The following SPEN variants were observed in gnomAD, a reference collection of about 807,000 sequenced individuals.
The protein encoded by SPEN is spen family transcriptional repressor.
SPEN carries 18 observed loss-of-function variants against 269.9 expected under a neutral mutation model. That is an observed-to-expected ratio of 0.07 (90% CI 0.05 to 0.10). SPEN has a LOEUF of 0.10. Ranked by LOEUF, SPEN falls within the 10% of genes least tolerant of loss-of-function variation. SPEN has a pLI of 1.00. For missense variants in SPEN, 3,822 were observed against 4,631.2 expected, an observed-to-expected ratio of 0.83 and a Z score of 5.07; for synonymous variants, 1,726 against 1,765.7, an observed-to-expected ratio of 0.98 and a Z score of 0.56.
intron 3 of SPEN, among the ~76,000 whole-genome samples, chr1:15,905,817 C>A (rs983677102): frequency 4.0e-5 from 6 of 149,776 alleles, no homozygotes; most frequent in Non-Finnish European, 7.4e-5. Context: ...TCGTGATCTG[C>A]CTGCCTCAGC....
intron 1 of SPEN, among the ~76,000 whole-genome samples, chr1:15,849,623 G>A (rs1489328424): frequency 6.6e-6 from 1 of 151,964 alleles, no homozygotes; most frequent in Non-Finnish European, 1.5e-5. Flanking sequence ...GGCGGGGGCG[G>A]GGGGAGGCAG....
chr1:15,931,825 C>A lies in SPEN; in HGVS notation c.5585C>A (p.Ala1862Glu). 6.2e-7 allele frequency: 1 copy of A among 1,614,214 alleles called. No homozygotes were observed. Among genetic ancestry groups the A allele is most frequent in the Non-Finnish European group, 8.5e-7 (1 of 1,180,048 alleles). ...LKRSNSPRGE[A>E]QKLLELKMEA... is the part of the protein sequence containing the mutation. Reference sequence around the variant, plus strand: ...CGGTCCAATTCTCCTCGGGGAGAAGCACAGAAGCTTTTGGAATTGAAGATG... The same window carrying A: ...CGGTCCAATTCTCCTCGGGGAGAAGAACAGAAGCTTTTGGAATTGAAGATG... Residue 1862 changes from alanine (A) to glutamate (E), a missense_variant, in exon 11 of 15, where the codon GCA (alanine) becomes GAA (glutamate). This residue lies in a region of SPEN where 533 missense variants were observed against 618.8 expected (regional missense o/e 0.86). Transcript: ENST00000375759. This position sits in a 1 kb window ranked among gnomAD's most constrained non-coding sequence, Gnocchi z 4.8.
rs760317285 is a variant in SPEN, at chr1:15,876,171, G to A, written c.405-31G>A. The A allele has an allele frequency of 2.1e-5, 32 of 1,557,998 alleles. 1 individual carries two copies. Among genetic ancestry groups the A allele is most frequent in the Non-Finnish European group, 2.5e-5 (28 of 1,133,330 alleles). On this transcript the variant is annotated intron_variant, in intron 2 of 14. Coordinates refer to ENST00000375759, the MANE Select transcript of SPEN (RefSeq NM_015001.3). ...CTTTTAGTTTTGCTTGCTCCTTTCT[G>A]ATTAAATATTTTTCCCCCTCCTAAA...
At position 15,933,868 on chromosome 1, in the gene SPEN, A is replaced by T. The variant is rs1339088601; in HGVS notation, c.7628A>T (p.Tyr2543Phe). Residue 2543 changes from tyrosine to phenylalanine, a missense_variant, in exon 11 of 15, where the codon TAT becomes TTT. Tyr to Phe is a conservative substitution (Grantham distance 22). Coordinates refer to ENST00000375759, the MANE Select transcript of SPEN (RefSeq NM_015001.3). This position sits in a 1 kb window ranked among gnomAD's most constrained non-coding sequence, Gnocchi z 5.7. ...TLRKILMDPK[Y>F]VSATSVTSTS... ...AGGAAGATTCTCATGGACCCCAAGT[A>T]TGTGTCTGCCACAAGTGTCACTTCC... is the stretch of plus-strand genomic sequence containing the variant. The T allele has an allele frequency of 6.2e-7, 1 of 1,613,704 alleles. No homozygotes were observed. Among genetic ancestry groups the T allele is most frequent in the African/African-American group, 1.3e-5 (1 of 74,926 alleles).
chr1:15,884,120 G>A (rs539181683), intron 3 of SPEN, among the ~76,000 whole-genome samples: 1 of 151,860 alleles, frequency 6.6e-6, no homozygotes, highest in Non-Finnish European at 1.5e-5. Flanking sequence ...TGTTTTATGG[G>A]TTAACAGTAA....
Position 15,876,214 on chromosome 1 carries a change from C to T in SPEN, c.417C>T (p.Asn139=). 1 of 1,610,376 alleles carries T rather than the reference C, an allele frequency of 6.2e-7. No individual in the cohort carries two copies. The highest frequency in any genetic ancestry group is 8.5e-7 in the Non-Finnish European group (1 of 1,176,800). Residue 139 remains asparagine, a synonymous_variant, in exon 3 of 15, where the codon AAC becomes AAT. Transcript: ENST00000375759. ...CTCCTAAATGCAGGGCTTCAGATAA[C>T]AGGGAGCGTGCTTATGAACATAGTG... ...YERRLDGASD[N]RERAYEHSAY...
intron 1 of SPEN, among the ~76,000 whole-genome samples, chr1:15,866,119 A>C (rs2070506149): frequency 6.6e-6 from 1 of 152,012 alleles, no homozygotes; most frequent in African/African-American, 2.4e-5. Context: ...CATATCTTCA[A>C]ACTATGAAAA....
At chr1:15,886,330 C>T (rs756006891) in intron 3 of SPEN, among the ~76,000 whole-genome samples, 15 of 152,148 alleles carry the variant, frequency 9.9e-5, no homozygotes, top group East Asian at 1.9e-4. Context: ...GCAGCCCCTG[C>T]GTCTGAATAT....
Position 15,933,081 on chromosome 1 carries a change from T to G in SPEN, c.6841T>G (p.Ser2281Ala), listed in dbSNP as rs779299660. Residue 2281 changes from serine (S) to alanine (A), a missense_variant, in exon 11 of 15, where the codon TCT becomes GCT. Ser to Ala is a moderately conservative substitution (Grantham distance 99). This residue lies in a region of SPEN where 727 missense variants were observed against 737.9 expected (regional missense o/e 0.99). Coordinates refer to ENST00000375759, the MANE Select transcript of SPEN (RefSeq NM_015001.3). The surrounding 1 kb of genome is among the most constrained non-coding windows in gnomAD (Gnocchi z 5.7). ...CCTGGAAACTGAGGCTGCTACAGAA[T>G]CTTCTAGGCCTCCAGTCAATGCTCC... ...GILETEAATE[S>A]SRPPVNAPDP... 1.2e-6 allele frequency: 2 copies of G among 1,614,016 alleles called. No homozygotes were observed. Among genetic ancestry groups the G allele is most frequent in the South Asian group, 2.2e-5 (2 of 91,082 alleles).
chr1:15,868,794 T>C (rs2070543962), intron 1 of SPEN, among the ~76,000 whole-genome samples: 2 of 152,258 alleles, frequency 1.3e-5, no homozygotes, highest in African/African-American at 4.8e-5. Flanking sequence ...GATTTATCAT[T>C]GACTTGCTGG....
chr1:15,921,061 C>T (rs1570049190), intron 9 of SPEN, 78 bp downstream of exon 9: 1 of 880,714 alleles, frequency 1.1e-6, no homozygotes. Flanking sequence ...CGTGGTGGCT[C>T]ACGCCTGTAA....
At chr1:15,906,759 C>G (rs1363016520) in intron 3 of SPEN, among the ~76,000 whole-genome samples, 28 of 144,286 alleles carry the variant, frequency 1.9e-4, no homozygotes, top group African/African-American at 7.0e-4. Flanking sequence ...CCACTGCACT[C>G]GGCATGTTTT....
rs779100276 is a variant in SPEN, at chr1:15,939,646, A to G, written c.*219A>G. ...TTACATAATGCTTTAGCCCAAGGACACATCACCAACCCATGGACTCGCAGA... is the reference window on the plus strand; with the variant it reads ...TTACATAATGCTTTAGCCCAAGGACGCATCACCAACCCATGGACTCGCAGA... On this transcript the variant is annotated 3_prime_UTR_variant, in exon 15 of 15. Coordinates refer to ENST00000375759, the MANE Select transcript of SPEN (RefSeq NM_015001.3). The surrounding 1 kb of genome is among the most constrained non-coding windows in gnomAD (Gnocchi z 4.1). 2 of 437,726 alleles carry G rather than the reference A, an allele frequency of 4.6e-6. No homozygotes were observed. The highest frequency in any genetic ancestry group is 7.8e-6 in the Non-Finnish European group (2 of 257,238). The allele number at this position is 437,726 out of a possible 1,614,324, so 27.1% of individuals were successfully genotyped here. A position where few individuals can be genotyped will look rare whatever the true frequency, so the allele number is the denominator to read the frequency against.
chr1:15,907,501 A>G (rs940955224), intron 3 of SPEN, among the ~76,000 whole-genome samples: 1 of 152,136 alleles, frequency 6.6e-6, no homozygotes, highest in Non-Finnish European at 1.5e-5. Context: ...GTCTGTAGCA[A>G]ATTTTTTTCA....
intron 1 of SPEN, among the ~76,000 whole-genome samples, chr1:15,856,411 A>G (rs748135625): frequency 6.6e-6 from 1 of 152,024 alleles, no homozygotes; most frequent in African/African-American, 2.4e-5. Context: ...ATTTCCTTCA[A>G]CTATAATATA....
At chr1:15,912,538 G>A (rs1052179931) in intron 5 of SPEN, among the ~76,000 whole-genome samples, 1 of 152,118 alleles carries the variant, frequency 6.6e-6, no homozygotes, top group African/African-American at 2.4e-5. Flanking sequence ...CCCCTGGTGA[G>A]GATGCACAAA....
chr1:15,919,760 T>C (rs2071099049), intron 8 of SPEN, among the ~76,000 whole-genome samples: 1 of 152,236 alleles, frequency 6.6e-6, no homozygotes, highest in African/African-American at 2.4e-5. Context: ...ATAGTATAAA[T>C]AGAATGAAAT....
rs1248845381 is a variant in SPEN, at chr1:15,928,129, G to A, written c.1889G>A (p.Arg630His). ...RRASYDYNQD[R>H]TYYESVRTPG... ...GCATCCTACGACTATAACCAAGATCGTACATATTATGAGAGTGTTCGAACT... is the reference window on the plus strand; with the variant it reads ...GCATCCTACGACTATAACCAAGATCATACATATTATGAGAGTGTTCGAACT... The change falls in exon 11 of 15, where the codon CGT becomes CAT. Residue 630 changes from arginine to histidine, a missense_variant. By Grantham distance (29) the Arg-to-His change is conservative (BLOSUM62 0). Coordinates refer to ENST00000375759, the MANE Select transcript of SPEN (RefSeq NM_015001.3). The surrounding 1 kb of genome is among the most constrained non-coding windows in gnomAD (Gnocchi z 5.7). The A allele has an allele frequency of 1.2e-5, 20 of 1,613,710 alleles. No homozygotes were observed. The highest frequency in any genetic ancestry group is 3.3e-5 in the Admixed American group (2 of 59,968).
intron 5 of SPEN, among the ~76,000 whole-genome samples, chr1:15,914,179 G>A (rs1416558871): frequency 6.6e-6 from 1 of 152,124 alleles, no homozygotes; most frequent in Non-Finnish European, 1.5e-5. Context: ...CTGATTGATC[G>A]AAAGGGGTAA....
Sources: gnomAD v4.1 joint callset for allele counts (sites outside exome capture counted in the v4.1 genomes callset) on GRCh38, gnomAD v4.1.1 for gene constraint, gnomAD v4.1.1 regional missense constraint, Gnocchi (gnomAD v3.1) non-coding constraint, MANE v1.5 for transcripts, NCBI Gene and HGNC (gene_info 2026-07-23, HGNC 2026-07-21) for gene names.